EDEM3: variants seen among roughly 807,000 people sequenced by gnomAD.
EDEM3 encodes ER degradation enhancing alpha-mannosidase like protein 3.
A neutral mutation model predicts 110.2 loss-of-function variants in EDEM3; 60 were observed. That is an observed-to-expected ratio of 0.54 (90% CI 0.44 to 0.67). The LOEUF (loss-of-function observed/expected upper bound fraction) is 0.67, where lower values mean the gene tolerates loss of function less well. Among genes scored for constraint, EDEM3 ranks in the 30% least tolerant of loss-of-function variants. EDEM3 has a pLI of 0.00. For synonymous variants in EDEM3, 352 were observed against 382.9 expected (o/e 0.92, Z 0.94); for missense variants, 996 against 1,121.0 (o/e 0.89, Z 1.59).
intron 5 of EDEM3, among the ~76,000 whole-genome samples, chr1:184,733,828 A>G (rs1651671088): frequency 7.2e-6 from 1 of 138,962 alleles, no homozygotes. Flanking sequence ...GTCTGTCTCC[A>G]AAAAAAAAAA....
Position 184,719,463 on chromosome 1 carries a change from C to A in EDEM3, c.1057G>T (p.Ala353Ser). 1 of 1,613,152 alleles carries A rather than the reference C, an allele frequency of 6.2e-7. No homozygotes were observed. Among genetic ancestry groups the A allele is most frequent in the Non-Finnish European group, 8.5e-7 (1 of 1,179,750 alleles). The change falls in exon 10 of 20, where the codon GCC becomes TCC. Residue 353 changes from alanine (A) to serine (S), a missense_variant. Ala to Ser is a moderately conservative substitution (Grantham distance 99). Transcript: ENST00000318130. ...TATACCTGCAAGCCTGGGAAGAAGGCAAGCAAAGCATCCATCCAAGTCCGA... is the reference window on the plus strand; with the variant it reads ...TATACCTGCAAGCCTGGGAAGAAGGAAAGCAAAGCATCCATCCAAGTCCGA... Reference protein sequence around the residue: ...NARTWMDALLAFFPGLQVLKG... With the variant: ...NARTWMDALLSFFPGLQVLKG...
At chr1:184,739,242 T>A (rs1651998879) in intron 2 of EDEM3, among the ~76,000 whole-genome samples, 1 of 149,280 alleles carries the variant, frequency 6.7e-6, no homozygotes, top group Admixed American at 6.7e-5. Flanking sequence ...ATTATTTTAA[T>A]TTTAATAAAA....
At chr1:184,730,448 A>T (rs905941730) in intron 6 of EDEM3, among the ~76,000 whole-genome samples, 2 of 152,070 alleles carry the variant, frequency 1.3e-5, no homozygotes, top group Non-Finnish European at 2.9e-5. Context: ...TCAGCCGAGC[A>T]TGGTGGCACG....
At chr1:184,705,166 C>A (rs887806149) in intron 18 of EDEM3, among the ~76,000 whole-genome samples, 4 of 152,116 alleles carry the variant, frequency 2.6e-5, no homozygotes, top group African/African-American at 9.7e-5. Flanking sequence ...AAATACTACA[C>A]AAAGAAATAT....
intron 1 of EDEM3, among the ~76,000 whole-genome samples, chr1:184,750,326 T>C (rs2102139913): frequency 6.6e-6 from 1 of 152,298 alleles, no homozygotes; most frequent in East Asian, 1.9e-4. Context: ...TGGAGATGTC[T>C]GATCACTACA....
At chr1:184,696,710 T>C (rs1649350486) in intron 19 of EDEM3, among the ~76,000 whole-genome samples, 1 of 151,970 alleles carries the variant, frequency 6.6e-6, no homozygotes, top group African/African-American at 2.4e-5. Context: ...AGAAAGAAGG[T>C]AGCTGGCTAC....
chr1:184,710,686 T>G (rs1650177155), intron 15 of EDEM3, 139 bp from the exon 16 acceptor site: 2 of 1,022,286 alleles, frequency 2.0e-6, no homozygotes, highest in Non-Finnish European at 1.4e-6. Flanking sequence ...GAAAGTATTT[T>G]CTTACATATA....
intron 1 of EDEM3, among the ~76,000 whole-genome samples, chr1:184,752,153 C>T (rs1463376249): frequency 6.6e-6 from 1 of 152,120 alleles, no homozygotes; most frequent in Non-Finnish European, 1.5e-5. Flanking sequence ...TAACAAAATA[C>T]CCTGTTGCAA....
chr1:184,734,012 C>T (rs1307510922), intron 5 of EDEM3, among the ~76,000 whole-genome samples: 1 of 152,148 alleles, frequency 6.6e-6, no homozygotes, highest in Non-Finnish European at 1.5e-5. Flanking sequence ...TAACAACATA[C>T]AGATATTACC....
At position 184,754,755 on chromosome 1, in the gene EDEM3, G is replaced by A. The variant is rs1430360167; in HGVS notation, c.-109C>T. On this transcript the variant is annotated 5_prime_UTR_variant, in exon 1 of 20. Transcript: ENST00000318130. ...GCCGTGCCGAGACGGGGCGGGATGC[G>A]GAGTAACACGGACGGCCGCCGGCGC... 8 of 1,391,320 alleles carry A rather than the reference G, an allele frequency of 5.7e-6. No homozygotes were observed. The highest frequency in any genetic ancestry group is 7.4e-6 in the Non-Finnish European group (8 of 1,076,460). The allele number at this position is 1,391,320 out of a possible 1,614,324, so 86.2% of individuals were successfully genotyped here.
intron 18 of EDEM3, 112 bp downstream of exon 18, chr1:184,706,531 A>C: frequency 1.1e-6 from 1 of 906,202 alleles, no homozygotes; most frequent in Non-Finnish European, 1.6e-6. Flanking sequence ...TGTCTAGGTG[A>C]GGTAAAAAAA....
chr1:184,718,929 G>A (rs1027349734), intron 11 of EDEM3, among the ~76,000 whole-genome samples: 4 of 152,032 alleles, frequency 2.6e-5, no homozygotes, highest in African/African-American at 9.7e-5. Flanking sequence ...TTTTAAAAAT[G>A]TCAGCATTAC....
At chr1:184,711,931 A>T in intron 14 of EDEM3, 54 bp from the exon 15 acceptor site, 32 of 1,072,808 alleles carry the variant, frequency 3.0e-5, no homozygotes, top group South Asian at 5.8e-5. Context: ...ACTTAACATA[A>T]TTTTTTTTTT....
At position 184,711,175 on chromosome 1, in the gene EDEM3, C is replaced by T. The variant is rs961401493; in HGVS notation, c.1691+548G>A. Among the ~76,000 whole-genome samples, 6 of 152,102 alleles carry T rather than the reference C, an allele frequency of 3.9e-5. No individual in the cohort carries two copies. In the East Asian group the frequency reaches 9.7e-4, roughly 25 times the overall value. Reference sequence around the variant, plus strand: ...GTGCAATGGCGTGATCTTGGCTCACCGCAACCTCCACCTCCTGGGTTCAAG... The same window carrying T: ...GTGCAATGGCGTGATCTTGGCTCACTGCAACCTCCACCTCCTGGGTTCAAG... On this transcript the variant is annotated intron_variant, in intron 15 of 19. Transcript: ENST00000318130.
rs989015614 is a variant in EDEM3 at position 184,690,406 on chromosome 1, G to A, written c.*3657C>T. ...GAATTCAATCCCCGGAGGATAAAAT[G>A]AGTTTAAAAAAAAAAGGAAAACAGA... On this transcript the variant is annotated 3_prime_UTR_variant, in exon 20 of 20. Transcript: ENST00000318130. 4 of 110,594 alleles carry A rather than the reference G, an allele frequency of 3.6e-5. No individual in the cohort carries two copies. The highest frequency in any genetic ancestry group is 5.4e-5 in the Non-Finnish European group (3 of 55,652). The allele number at this position is 110,594 out of a possible 1,614,324, so 6.9% of individuals were successfully genotyped here. A position where few individuals can be genotyped will look rare whatever the true frequency, so the allele number is the denominator to read the frequency against.
intron 9 of EDEM3, among the ~76,000 whole-genome samples, chr1:184,720,327 G>A (rs1171577718): frequency 1.3e-5 from 2 of 151,696 alleles, no homozygotes; most frequent in Non-Finnish European, 2.9e-5. Flanking sequence ...TTGGCCATAG[G>A]TTAAAGGCAC....
Position 184,694,382 on chromosome 1 carries a change from A to G in EDEM3, c.2480T>C (p.Val827Ala), listed in dbSNP as rs1353684514. ...GEQISSSSQE[V>A]DLVDQESSEE... is the part of the protein sequence containing the mutation. ...AGAAGACTCTTGATCAACCAAATCA[A>G]CCTCCTGAGAACTTGATGAAATCTG... The change falls in exon 20 of 20, where the codon GTT becomes GCT. Residue 827 changes from valine (V) to alanine (A), a missense_variant. Transcript: ENST00000318130. The G allele has an allele frequency of 6.2e-7, 1 of 1,612,298 alleles. No homozygotes were observed. Among genetic ancestry groups the G allele is most frequent in the Non-Finnish European group, 8.5e-7 (1 of 1,179,478 alleles).
intron 1 of EDEM3, among the ~76,000 whole-genome samples, chr1:184,754,146 G>A (rs1363920654): frequency 6.6e-6 from 1 of 152,162 alleles, no homozygotes; most frequent in Non-Finnish European, 1.5e-5. Context: ...TGCTTCGGTC[G>A]ACAGGCAGCC....
chr1:184,725,954 A>G (rs1040021139), intron 7 of EDEM3, among the ~76,000 whole-genome samples: 1 of 152,172 alleles, frequency 6.6e-6, no homozygotes, highest in Non-Finnish European at 1.5e-5. Context: ...ATTTCGTAAG[A>G]CATTTATGAT....
Sources: allele counts gnomAD v4.1 joint callset (sites outside exome capture counted in the v4.1 genomes callset), GRCh38; gene constraint gnomAD v4.1.1; transcripts MANE v1.5; gene names NCBI Gene and HGNC (gene_info 2026-07-23, HGNC 2026-07-21).